PFKFB3: variants seen among roughly 807,000 people sequenced by gnomAD.
PFKFB3 encodes the protein 6-phosphofructo-2-kinase/fructose-2,6-biphosphatase 3, also known as 6-phosphofructo-2-kinase/fructose-2,6-bisphosphatase 3.
Under a neutral mutation model 68.0 loss-of-function variants are expected in PFKFB3, and 33 were observed. That is an observed-to-expected ratio of 0.49 (90% confidence interval 0.37 to 0.65). The LOEUF is 0.65. Ranked by LOEUF, PFKFB3 falls within the 30% of genes least tolerant of loss-of-function variation. The pLI is 0.00. For missense variants in PFKFB3, 586 were observed against 712.2 expected, an observed-to-expected ratio of 0.82 and a Z score of 2.02; for synonymous variants, 315 against 288.2, an observed-to-expected ratio of 1.09 and a Z score of -0.94.
chr10:6,176,556 G>A (rs992918069), intron 1 of PFKFB3, among the ~76,000 whole-genome samples: 2 of 152,044 alleles, frequency 1.3e-5, no homozygotes, highest in Non-Finnish European at 2.9e-5. Context: ...ATAGGTGTGC[G>A]CCATCATGCC....
rs769178743 is a variant in PFKFB3 at position 6,251,035 on chromosome 10, G to A, written c.1516-3143G>A. Among the ~76,000 whole-genome samples, 13 of 152,080 alleles carry A rather than the reference G, an allele frequency of 8.5e-5. No homozygotes were observed. In the East Asian group the frequency reaches 1.5e-3, roughly 18 times the overall value. On this transcript the variant is annotated intron_variant, in intron 14 of 14. Coordinates refer to the PFKFB3 transcript ENST00000640683. ...TGGTTTGAATACTGCTTTGTCCCCC[G>A]TCCCCATGGGTATTTTTAGAGGTTC... is the stretch of plus-strand genomic sequence containing the variant.
downstream of PFKFB3, among the ~76,000 whole-genome samples, chr10:6,254,808 C>CTT (rs144888417): frequency 0.024 from 1,473 of 61,596 alleles, 516 homozygotes; most frequent in Non-Finnish European, 0.029. Context: ...TTTTTCTGTT[C>CTT]TTTTTTTTTT....
rs1042639338 is a variant in PFKFB3, at chr10:6,229,608, A to G, written c.1515+3243A>G. ...TCCAGCTTCTTGGGGCGCACCCTCCATCCTCAGGGCCAGTGTCTGTGATGC... is the reference window on the plus strand; with the variant it reads ...TCCAGCTTCTTGGGGCGCACCCTCCGTCCTCAGGGCCAGTGTCTGTGATGC... On this transcript the variant is annotated intron_variant, in intron 14 of 14. Transcript: ENST00000379775. The surrounding 1 kb of genome is among the most constrained non-coding windows in gnomAD (Gnocchi z 4.3). 2.0e-4 allele frequency among the ~76,000 whole-genome samples: 30 copies of G among 151,998 alleles called. No homozygotes were observed. The highest frequency in any genetic ancestry group is 7.0e-4 in the African/African-American group (29 of 41,358).
At chr10:6,312,498 C>T in the PFKFB3 span, among the ~76,000 whole-genome samples, 1 of 152,080 alleles carries the variant, frequency 6.6e-6, no homozygotes, top group Non-Finnish European at 1.5e-5. Flanking sequence ...AACAGGGACA[C>T]TGCCCATAGA....
intron 7 of PFKFB3, 58 bp downstream of exon 7, chr10:6,219,751 T>G: frequency 6.4e-7 from 1 of 1,573,656 alleles, no homozygotes; most frequent in African/African-American, 1.4e-5. Flanking sequence ...TACTGAATTC[T>G]TGATGTTCCC....
chr10:6,223,762 A>G (rs1020774650), intron 11 of PFKFB3, among the ~76,000 whole-genome samples, 196 bp from the exon 12 acceptor site: 1 of 152,172 alleles, frequency 6.6e-6, no homozygotes, highest in Non-Finnish European at 1.5e-5. Context: ...GATTATACGC[A>G]TGTGCTACCA....
the PFKFB3 span, among the ~76,000 whole-genome samples, chr10:6,290,580 C>T: frequency 8.0e-5 from 12 of 149,730 alleles, no homozygotes; most frequent in African/African-American, 2.9e-4. Context: ...CTCACTACAA[C>T]CTCCACCTCC....
At chr10:6,218,409 A>ATTAT (rs5782883) in intron 6 of PFKFB3, among the ~76,000 whole-genome samples, 5,612 of 143,306 alleles carry the variant, frequency 0.039, 345 homozygotes, top group African/African-American at 0.13. Context: ...AATCATTTTT[A>ATTAT]TTATTTATTT....
chr10:6,263,678 T>G, the PFKFB3 span, among the ~76,000 whole-genome samples: 8 of 152,010 alleles, frequency 5.3e-5, no homozygotes, highest in African/African-American at 1.9e-4. Flanking sequence ...GACAAGAGCT[T>G]AATAATGGTT....
chr10:6,211,689 C>T (rs1334029114), intron 1 of PFKFB3, among the ~76,000 whole-genome samples: 1 of 152,224 alleles, frequency 6.6e-6, no homozygotes, highest in Non-Finnish European at 1.5e-5. Flanking sequence ...GCCCGGCTCA[C>T]CCTGGGCAGT....
the PFKFB3 span, among the ~76,000 whole-genome samples, chr10:6,297,584 C>T: frequency 4.3e-4 from 65 of 151,952 alleles, no homozygotes; most frequent in African/African-American, 1.2e-3. Context: ...GGAAGCAAGA[C>T]GTTTACTGCT....
At chr10:6,192,366 C>CTTTTT (rs149846128) in intron 1 of PFKFB3, among the ~76,000 whole-genome samples, 1 of 113,070 alleles carries the variant, frequency 8.8e-6, no homozygotes. Flanking sequence ...TTTCTTTCTT[C>CTTTTT]TTTTTTTTTT....
chr10:6,216,595 C>T, intron 4 of PFKFB3, 111 bp from the exon 5 acceptor site: 1 of 814,028 alleles, frequency 1.2e-6, no homozygotes, highest in South Asian at 1.5e-5. Context: ...CCCTGAAGCA[C>T]TTTTGGGGCT....
chr10:6,268,700 A>T, the PFKFB3 span, among the ~76,000 whole-genome samples: 16 of 150,712 alleles, frequency 1.1e-4, no homozygotes, highest in Non-Finnish European at 2.2e-4. Context: ...TTTGTACTGG[A>T]TCATACATTC....
chr10:6,205,874 T>C (rs1282190946), intron 1 of PFKFB3, among the ~76,000 whole-genome samples: 2 of 152,038 alleles, frequency 1.3e-5, no homozygotes, highest in Non-Finnish European at 2.9e-5. Flanking sequence ...CATAGCTCAC[T>C]GTAACCACCA....
intron 1 of PFKFB3, among the ~76,000 whole-genome samples, chr10:6,169,188 C>T (rs900428973): frequency 6.6e-6 from 1 of 152,150 alleles, no homozygotes; most frequent in Non-Finnish European, 1.5e-5. Context: ...GTGATCCCCC[C>T]GCCTCAGCCT....
At position 6,249,745 on chromosome 10, in the gene PFKFB3, T is replaced by TTGTG. The variant is rs34232938; in HGVS notation, c.1516-4418_1516-4415dup. Among the ~76,000 whole-genome samples the TTGTG allele has an allele frequency of 3.8e-3, 575 of 150,808 alleles. 3 individuals carry two copies. The highest frequency in any genetic ancestry group is 0.011 in the African/African-American group (432 of 41,098). On this transcript the variant is annotated intron_variant, in intron 14 of 14. Transcript: ENST00000640683. Reference sequence around the variant, plus strand: ...ACAAAATCTCAGGCAGGTGGAATATTTGTGTGTGTGTGTGTGTGATATTGT... The same window carrying TTGTG: ...ACAAAATCTCAGGCAGGTGGAATATTTGTGTGTGTGTGTGTGTGTGTGATATTGT...
At chr10:6,259,799 C>T in the PFKFB3 span, among the ~76,000 whole-genome samples, 4 of 152,168 alleles carry the variant, frequency 2.6e-5, no homozygotes, top group Non-Finnish European at 5.9e-5. Flanking sequence ...ATACTAGAAA[C>T]AATTTTAAGT....
the PFKFB3 span, among the ~76,000 whole-genome samples, chr10:6,304,100 G>T: frequency 0.022 from 3,328 of 152,288 alleles, 122 homozygotes; most frequent in African/African-American, 0.076. Flanking sequence ...TAGTGCCCCA[G>T]AGACGCACCT....
Sources: gnomAD v4.1 joint callset for allele counts (sites outside exome capture counted in the v4.1 genomes callset) on GRCh38, gnomAD v4.1.1 for gene constraint, Gnocchi (gnomAD v3.1) non-coding constraint, MANE v1.5 for transcripts, NCBI Gene and HGNC (gene_info 2026-07-23, HGNC 2026-07-21) for gene names.